SHBG: variants seen among roughly 807,000 people sequenced by gnomAD.
The protein encoded by SHBG is sex hormone binding globulin.
Under a neutral mutation model 41.9 loss-of-function variants are expected in SHBG, and 37 were observed. That is an observed-to-expected ratio of 0.88 (90% CI 0.68 to 1.16). The LOEUF is 1.16. Ranked by LOEUF, SHBG falls within the 50% of genes most tolerant of loss-of-function variation. The probability of loss-of-function intolerance (pLI) is 0.00; values close to 1 mark genes in which losing one functional copy is unlikely to be tolerated. For missense variants in SHBG, 466 were observed against 499.9 expected, an observed-to-expected ratio of 0.93 and a Z score of 0.65; for synonymous variants, 217 against 205.8, an observed-to-expected ratio of 1.05 and a Z score of -0.47.
rs969886239 is a variant in SHBG at position 7,632,594 on chromosome 17, CA to C, written c.853-150del. Among the ~76,000 whole-genome samples, 31 of 151,740 alleles carry C rather than the reference CA, an allele frequency of 2.0e-4. 1 individual carries two copies. Among genetic ancestry groups the C allele is most frequent in the Admixed American group, 1.2e-3 (19 of 15,212 alleles). On this transcript the variant is annotated intron_variant, in intron 6 of 7. Transcript: ENST00000380450. The stretch of plus-strand genomic sequence containing the variant: ...GGTGTGGTTTCAAAAAGGGTCAAGC[CA>C]AAAAAAATTGGGGCAGGATTTAAGT...
Position 7,631,196 on chromosome 17 carries a change from GC to G in SHBG, c.394-3del. 1 of 1,546,798 alleles carries G rather than the reference GC, an allele frequency of 6.5e-7. No homozygotes were observed. The highest frequency in any genetic ancestry group is 1.7e-4 in the Middle Eastern group (1 of 5,892). On this transcript the variant is annotated splice_region_variant and splice_polypyrimidine_tract_variant and intron_variant, in intron 3 of 7. Transcript: ENST00000380450. ...CTCTGATTTTGCTTCCCACCTTCCTGCAGGTGGAAGTCAAGATGGAGGGGGA... is the reference window on the plus strand; with the variant it reads ...CTCTGATTTTGCTTCCCACCTTCCTGAGGTGGAAGTCAAGATGGAGGGGGA...
At chr17:7,619,018 A>T (rs999747287) in intron 1 of SHBG, among the ~76,000 whole-genome samples, 5 of 152,200 alleles carry the variant, frequency 3.3e-5, no homozygotes, top group Admixed American at 2.0e-4. Flanking sequence ...AATTCCAGGG[A>T]AAACAAAAAT....
At chr17:7,624,434 T>A (rs1288593998), upstream of SHBG, among the ~76,000 whole-genome samples, 1 of 150,812 alleles carries the variant, frequency 6.6e-6, no homozygotes, top group Non-Finnish European at 1.5e-5. Context: ...TTAGTTGAGA[T>A]GGGATTTCAC....
upstream of SHBG, chr17:7,628,213 G>GT: frequency 2.4e-6 from 1 of 422,432 alleles, no homozygotes; most frequent in Non-Finnish European, 4.8e-6. Flanking sequence ...AGCATGAAGT[G>GT]TTACCTCTTG....
chr17:7,624,983 CTT>C (rs1303196056), upstream of SHBG, among the ~76,000 whole-genome samples: 2 of 104,360 alleles, frequency 1.9e-5, no homozygotes, highest in African/African-American at 7.6e-5. Flanking sequence ...GAGTTTTGCT[CTT>C]GTTGCCCAGG....
upstream of SHBG, among the ~76,000 whole-genome samples, chr17:7,628,950 G>A (rs527902052): frequency 1.3e-5 from 2 of 152,112 alleles, no homozygotes; most frequent in South Asian, 2.1e-4. Flanking sequence ...CAGCTACTCG[G>A]GAGGCTGAGA....
upstream of SHBG, among the ~76,000 whole-genome samples, chr17:7,624,190 G>C (rs553799962): frequency 6.6e-6 from 1 of 152,074 alleles, no homozygotes; most frequent in Non-Finnish European, 1.5e-5. Context: ...GACCTCCAGT[G>C]ATCCACCCGC....
chr17:7,622,343 T>G (rs1013430503), intron 1 of SHBG, among the ~76,000 whole-genome samples: 2 of 149,666 alleles, frequency 1.3e-5, no homozygotes, highest in Middle Eastern at 3.6e-3. Flanking sequence ...CTCAATCTTG[T>G]CTCACTGCAA....
intron 1 of SHBG, among the ~76,000 whole-genome samples, chr17:7,616,723 G>A (rs1190779567): frequency 6.6e-6 from 1 of 151,932 alleles, no homozygotes; most frequent in East Asian, 1.9e-4. Flanking sequence ...GGATCACAAG[G>A]TCAGGAGTTC....
upstream of SHBG, chr17:7,627,055 G>A (rs776186358): frequency 4.3e-6 from 7 of 1,613,644 alleles, no homozygotes; most frequent in Non-Finnish European, 1.7e-6. The surrounding 1 kb of genome is among the most constrained non-coding windows in gnomAD (Gnocchi z 4.8). Flanking sequence ...CTGAGAGAGA[G>A]AAAAGGGGAG....
upstream of SHBG, chr17:7,627,741 G>T (rs748034186): frequency 7.4e-7 from 1 of 1,353,338 alleles, no homozygotes; most frequent in Non-Finnish European, 1.0e-6. This position sits in a 1 kb window ranked among gnomAD's most constrained non-coding sequence, Gnocchi z 4.8. Context: ...AGAGAGCGGG[G>T]TGGCGGGAGT....
In SHBG at chr17:7,633,322, C is replaced by T; in HGVS notation, c.1179C>T (p.Ser393=). 6.2e-7 allele frequency: 1 copy of T among 1,614,184 alleles called. No homozygotes were observed. Among genetic ancestry groups the T allele is most frequent in the East Asian group, 2.2e-5 (1 of 44,884 alleles). The part of the protein sequence containing the change: ...HEIWTHSCPQ[S]PGNGTDASH The stretch of plus-strand genomic sequence containing the variant: ...TCTGGACTCACAGCTGCCCCCAGAG[C>T]CCAGGCAATGGCACTGACGCTTCCC... Residue 393 remains serine (S), a synonymous_variant, in exon 8 of 8, where the codon AGC becomes AGT. Coordinates refer to ENST00000380450, the MANE Select transcript of SHBG (RefSeq NM_001040.5).
chr17:7,616,482 G>A lies in SHBG; in HGVS notation c.-62+2371G>A, dbSNP rs543889856. Among the ~76,000 whole-genome samples the A allele has an allele frequency of 4.4e-3, 659 of 148,936 alleles. 6 individuals are homozygous for A. The highest frequency in any genetic ancestry group is 0.016 in the African/African-American group (631 of 40,214). On this transcript the variant is annotated intron_variant, in intron 1 of 5. Coordinates refer to the SHBG transcript ENST00000570547. The stretch of plus-strand genomic sequence containing the variant: ...AAAAAAAAAAAAAAAAAAATTAGCT[G>A]GGCGTGGTGGCGGGCGCCTGTAGTC...
At chr17:7,624,399 C>G (rs954028034), upstream of SHBG, among the ~76,000 whole-genome samples, 1 of 151,954 alleles carries the variant, frequency 6.6e-6, no homozygotes, top group African/African-American at 2.4e-5. Context: ...ATGGGTGCCA[C>G]CACACCCAGC....
chr17:7,619,430 TGGTGC>T (rs2072051421), intron 1 of SHBG, among the ~76,000 whole-genome samples: 1 of 148,372 alleles, frequency 6.7e-6, no homozygotes, highest in Admixed American at 6.8e-5. Context: ...ATGCTAAGGC[TGGTGC>T]GGTGGCTCAT....
chr17:7,615,040 G>T (rs561470567), intron 1 of SHBG, among the ~76,000 whole-genome samples: 2 of 152,306 alleles, frequency 1.3e-5, no homozygotes, highest in African/African-American at 4.8e-5. Flanking sequence ...CCTCCTGGTC[G>T]CTTGCTAGCG....
chr17:7,617,985 G>A (rs548494010), intron 1 of SHBG, among the ~76,000 whole-genome samples: 21 of 152,214 alleles, frequency 1.4e-4, no homozygotes, highest in East Asian at 3.9e-4. Context: ...TTGGGATGCC[G>A]AGGTGGGTGG....
At chr17:7,627,241 GT>G, upstream of SHBG, 1 of 1,614,012 alleles carries the variant, frequency 6.2e-7, no homozygotes, top group Non-Finnish European at 8.5e-7. This position sits in a 1 kb window ranked among gnomAD's most constrained non-coding sequence, Gnocchi z 4.8. Flanking sequence ...CGAGATTGGA[GT>G]TGTGACAAAG....
intron 1 of SHBG, among the ~76,000 whole-genome samples, chr17:7,621,435 A>T (rs1372224012): frequency 1.5e-5 from 1 of 68,092 alleles, no homozygotes. Context: ...CATCTCTACT[A>T]AAAAAAAATA....
Sources: gnomAD v4.1 joint callset for allele counts (sites outside exome capture counted in the v4.1 genomes callset) on GRCh38, gnomAD v4.1.1 for gene constraint, Gnocchi (gnomAD v3.1) non-coding constraint, MANE v1.5 for transcripts, NCBI Gene and HGNC (gene_info 2026-07-23, HGNC 2026-07-21) for gene names.